The following ITSN1 variants were observed in gnomAD, a reference collection of about 807,000 sequenced individuals.
ITSN1 encodes the protein intersectin-1.
Under a neutral mutation model 239.8 loss-of-function variants are expected in ITSN1, and 58 were observed. The observed-to-expected ratio is 0.24, with a 90% CI of 0.20 to 0.30. The LOEUF (loss-of-function observed/expected upper bound fraction) is 0.30, where lower values mean the gene tolerates loss of function less well. Ranked by LOEUF, ITSN1 falls within the 10% of genes least tolerant of loss-of-function variation. ITSN1 has a pLI of 1.00. For missense variants in ITSN1, 1,558 were observed against 2,103.3 expected (o/e 0.74, Z 5.07); for synonymous variants, 780 against 770.8 (o/e 1.01, Z -0.20).
intron 1 of ITSN1, among the ~76,000 whole-genome samples, chr21:33,715,984 G>GT (rs2065113559): frequency 1.3e-5 from 2 of 152,222 alleles, no homozygotes; most frequent in South Asian, 4.2e-4. Context: ...AAACATAACA[G>GT]TAAAGGAGAC....
intron 33 of ITSN1, among the ~76,000 whole-genome samples, chr21:33,874,113 G>A (rs1052187645): frequency 7.4e-6 from 1 of 135,106 alleles, no homozygotes; most frequent in Non-Finnish European, 1.5e-5. Context: ...CCGAGATAGC[G>A]CCACTGCATT....
rs149184230 is a variant in ITSN1 at position 33,748,823 on chromosome 21, C to T, written c.347-1320C>T. On this transcript the variant is annotated intron_variant, in intron 5 of 39. Transcript: ENST00000381318. Reference sequence around the variant, plus strand: ...AAGGCTACAGTGAGCTATGATCATGCCATTTCACTCTAGCTTGGGCAACAG... The same window carrying T: ...AAGGCTACAGTGAGCTATGATCATGTCATTTCACTCTAGCTTGGGCAACAG... Among the ~76,000 whole-genome samples the T allele has an allele frequency of 1.6e-4, 24 of 152,092 alleles. No individual in the cohort carries two copies. In the East Asian group the frequency reaches 4.1e-3, roughly 26 times the overall value.
intron 16 of ITSN1, among the ~76,000 whole-genome samples, chr21:33,785,095 A>G (rs376127876): frequency 5.3e-5 from 8 of 152,338 alleles, no homozygotes; most frequent in African/African-American, 1.9e-4. Context: ...ATGTTCACGT[A>G]GATTGTTCAC....
rs1462444298 is a variant in ITSN1 at position 33,721,347 on chromosome 21, G to A, written c.121+77G>A. 2.5e-5 allele frequency: 23 copies of A among 920,268 alleles called. No individual in the cohort carries two copies. The Admixed American group carries it at 3.3e-4, about 13-fold the overall frequency. 57.0% of individuals were successfully genotyped at this position (920,268 alleles called of 1,614,324 possible). A position where few individuals can be genotyped will look rare whatever the true frequency, so the allele number is the denominator to read the frequency against. On this transcript the variant is annotated intron_variant, in intron 3 of 39. Transcript: ENST00000381318. ...TGTGGAAACTCTATCATGCAAAGAC[G>A]AGATGGGCAAATATGACCAAGGAGA...
chr21:33,847,235 G>C (rs1444802469), intron 29 of ITSN1, among the ~76,000 whole-genome samples: 1 of 152,184 alleles, frequency 6.6e-6, no homozygotes, highest in African/African-American at 2.4e-5. Context: ...CTGTGGGCTG[G>C]GGCTGTCCAG....
chr21:33,825,011 T>G (rs1300276231), intron 25 of ITSN1, among the ~76,000 whole-genome samples: 9 of 152,326 alleles, frequency 5.9e-5, no homozygotes, highest in African/African-American at 2.2e-4. Flanking sequence ...AGATGATATT[T>G]CAGGGGAATT....
intron 1 of ITSN1, among the ~76,000 whole-genome samples, chr21:33,658,996 G>C (rs557362528): frequency 1.6e-4 from 25 of 152,216 alleles, no homozygotes; most frequent in African/African-American, 6.0e-4. Flanking sequence ...TCAGAATTGG[G>C]GGTGGTCCGG....
chr21:33,843,490 C>G (rs573696599), intron 29 of ITSN1, among the ~76,000 whole-genome samples: 2 of 152,210 alleles, frequency 1.3e-5, no homozygotes, highest in Non-Finnish European at 2.9e-5. Flanking sequence ...TCAGTCTGAG[C>G]CAAATGTAAG....
At chr21:33,805,349 C>T (rs946210423) in intron 20 of ITSN1, among the ~76,000 whole-genome samples, 3 of 152,200 alleles carry the variant, frequency 2.0e-5, no homozygotes, top group African/African-American at 7.2e-5. Flanking sequence ...TTTTCTTCTC[C>T]TGACAGACAT....
rs1228648746 is a variant in ITSN1, at chr21:33,897,657, A to T, written c.*9357A>T. Reference sequence around the variant, plus strand: ...CATGCTGTTAAATGTTGCATAAACTAACACAGATTCTGTAGTCAAAAATAT... The same window carrying T: ...CATGCTGTTAAATGTTGCATAAACTTACACAGATTCTGTAGTCAAAAATAT... On this transcript the variant is annotated 3_prime_UTR_variant, in exon 40 of 40. Transcript: ENST00000381318. 6.6e-6 allele frequency: 1 copy of T among 152,268 alleles called. No homozygotes were observed. The highest frequency in any genetic ancestry group is 1.9e-4 in the East Asian group (1 of 5,204). 9.4% of individuals were successfully genotyped at this position (152,268 alleles called of 1,614,324 possible). A position where few individuals can be genotyped will look rare whatever the true frequency, so the allele number is the denominator to read the frequency against.
chr21:33,703,031 A>T (rs2092092882), intron 1 of ITSN1, among the ~76,000 whole-genome samples: 1 of 151,576 alleles, frequency 6.6e-6, no homozygotes, highest in Admixed American at 6.6e-5. Flanking sequence ...GATTGCAGTG[A>T]GCCGAGATCG....
intron 26 of ITSN1, 28 bp from the exon 27 acceptor site, chr21:33,829,596 C>G: frequency 1.2e-6 from 2 of 1,611,136 alleles, no homozygotes; most frequent in East Asian, 4.5e-5. Context: ...CTTAACAGTG[C>G]ACTGCCGTGT....
chr21:33,811,280 C>T lies in ITSN1; in HGVS notation c.2567+58C>T, dbSNP rs950200683. Reference sequence around the variant, plus strand: ...TGAAATCCCAATTTGATCATTTCCCCCCCACCCCCTTAAGTATTTTCATAG... The same window carrying T: ...TGAAATCCCAATTTGATCATTTCCCTCCCACCCCCTTAAGTATTTTCATAG... On this transcript the variant is annotated intron_variant, in intron 21 of 39. Coordinates refer to ENST00000381318, the MANE Select transcript of ITSN1 (RefSeq NM_003024.3). The T allele has an allele frequency of 1.1e-5, 17 of 1,490,972 alleles. 1 individual carries two copies. In the African/African-American group the frequency reaches 2.4e-4, roughly 21 times the overall value. 92.4% of individuals were successfully genotyped at this position (1,490,972 alleles called of 1,614,324 possible).
intron 5 of ITSN1, among the ~76,000 whole-genome samples, chr21:33,739,386 TAC>T (rs1329702356): frequency 2.6e-5 from 4 of 152,184 alleles, no homozygotes; most frequent in African/African-American, 9.7e-5. Context: ...TTTGCCAGAG[TAC>T]ATGGTTTTAT....
At chr21:33,801,114 C>T (rs536031260) in intron 19 of ITSN1, among the ~76,000 whole-genome samples, 15 of 152,178 alleles carry the variant, frequency 9.9e-5, no homozygotes, top group Admixed American at 3.3e-4. Context: ...TCAAACGATC[C>T]TCCCAGGTCA....
At position 33,717,132 on chromosome 21, in the gene ITSN1, C is replaced by A. The variant is rs186159704; in HGVS notation, c.-32-1665C>A. On this transcript the variant is annotated intron_variant, in intron 1 of 39. Coordinates refer to ENST00000381318, the MANE Select transcript of ITSN1 (RefSeq NM_003024.3). Reference sequence around the variant, plus strand: ...TTGAGATGTATTAGGGCAAGAGACTCATTTTTTTTAATTTAAATTTAAGAT... The same window carrying A: ...TTGAGATGTATTAGGGCAAGAGACTAATTTTTTTTAATTTAAATTTAAGAT... Among the ~76,000 whole-genome samples, 344 of 151,602 alleles carry A rather than the reference C, an allele frequency of 2.3e-3. 1 individual carries two copies. The highest frequency in any genetic ancestry group is 8.1e-3 in the African/African-American group (334 of 41,348).
chr21:33,655,522 A>ACTG (rs2088970639), intron 1 of ITSN1, among the ~76,000 whole-genome samples: 1 of 151,694 alleles, frequency 6.6e-6, no homozygotes, highest in Non-Finnish European at 1.5e-5. Context: ...CTGGGTTCAA[A>ACTG]CAATCCCCCC....
Position 33,856,619 on chromosome 21 carries a change from G to C in ITSN1, c.3662-117G>C. On this transcript the variant is annotated intron_variant, in intron 29 of 39. Transcript: ENST00000381318. ...CTGGGGAGGACACATTTCAGCCCATGACCCCACTGGACTGGAGCAAGCCCT... is the reference window on the plus strand; with the variant it reads ...CTGGGGAGGACACATTTCAGCCCATCACCCCACTGGACTGGAGCAAGCCCT... 3 of 1,437,840 alleles carry C rather than the reference G, an allele frequency of 2.1e-6. No homozygotes were observed. In the South Asian group the frequency reaches 3.8e-5, roughly 18 times the overall value. 89.1% of individuals were successfully genotyped at this position (1,437,840 alleles called of 1,614,324 possible). A position where few individuals can be genotyped will look rare whatever the true frequency, so the allele number is the denominator to read the frequency against.
chr21:33,841,996 G>A (rs896543564), intron 29 of ITSN1, among the ~76,000 whole-genome samples: 5 of 147,750 alleles, frequency 3.4e-5, no homozygotes, highest in African/African-American at 1.0e-4. Context: ...GTGCAATCTC[G>A]GCTCACTGCA....
Sources: allele counts gnomAD v4.1 joint callset (sites outside exome capture counted in the v4.1 genomes callset), GRCh38; gene constraint gnomAD v4.1.1; transcripts MANE v1.5; gene names NCBI Gene and HGNC (gene_info 2026-07-23, HGNC 2026-07-21).